Variants in LRRC4C observed in about 807,000 individuals in gnomAD.
LRRC4C encodes the protein leucine-rich repeat-containing protein 4C.
In LRRC4C, 5 loss-of-function variants were observed where a neutral mutation model predicts 33.6. The ratio of observed to expected loss-of-function variants is 0.15; its 90% confidence interval spans 0.08 to 0.31. The LOEUF (loss-of-function observed/expected upper bound fraction) is 0.31. Among genes scored for constraint, LRRC4C ranks in the 10% least tolerant of loss-of-function variants. The probability of loss-of-function intolerance (pLI) is 1.00; values close to 1 mark genes in which losing one functional copy is unlikely to be tolerated. For synonymous variants in LRRC4C, 329 were observed against 302.0 expected (o/e 1.09, Z -0.93); for missense variants, 560 against 796.7 (o/e 0.70, Z 3.58).
chr11:40,618,355 A>G (rs1375373458), intron 3 of LRRC4C, among the ~76,000 whole-genome samples: 1 of 151,640 alleles, frequency 6.6e-6, no homozygotes, highest in Admixed American at 6.6e-5. Flanking sequence ...CAACCACCAG[A>G]AGAAACTAGG....
chr11:40,522,803 T>C (rs1955875810), intron 3 of LRRC4C, among the ~76,000 whole-genome samples: 1 of 152,184 alleles, frequency 6.6e-6, no homozygotes, highest in Non-Finnish European at 1.5e-5. Context: ...AATGTAATGA[T>C]TTCCTTGTGT....
At chr11:41,304,677 G>GTA in intron 1 of LRRC4C, among the ~76,000 whole-genome samples, 1 of 101,462 alleles carries the variant, frequency 9.9e-6, no homozygotes. Context: ...AGGTTGGGGG[G>GTA]TCAGCCCCCC....
intron 2 of LRRC4C, among the ~76,000 whole-genome samples, chr11:40,697,554 C>T (rs1388401362): frequency 2.0e-5 from 3 of 152,128 alleles, no homozygotes; most frequent in Non-Finnish European, 4.4e-5. Flanking sequence ...GTTAATGATG[C>T]TACATATGGA....
intron 2 of LRRC4C, among the ~76,000 whole-genome samples, chr11:40,676,235 C>T (rs1346722208): frequency 6.6e-6 from 1 of 152,082 alleles, no homozygotes; most frequent in Non-Finnish European, 1.5e-5. Context: ...TCTTTTATGG[C>T]AGCTTGCAAG....
intron 1 of LRRC4C, among the ~76,000 whole-genome samples, chr11:41,219,798 A>T (rs1947224495): frequency 6.6e-6 from 1 of 152,220 alleles, no homozygotes; most frequent in Admixed American, 6.5e-5. Flanking sequence ...AATTTTATTC[A>T]GAAAAAGTAG....
intron 2 of LRRC4C, among the ~76,000 whole-genome samples, chr11:40,828,799 T>G (rs144914465): frequency 0.012 from 1,888 of 152,000 alleles, 14 homozygotes; most frequent in Middle Eastern, 0.031. Flanking sequence ...GCATCTGAAA[T>G]GTTATTAAGT....
At chr11:40,745,329 T>C (rs554424861) in intron 2 of LRRC4C, among the ~76,000 whole-genome samples, 1 of 152,088 alleles carries the variant, frequency 6.6e-6, no homozygotes, top group Non-Finnish European at 1.5e-5. Flanking sequence ...GATTGAGTGG[T>C]TTTCAAAACA....
At chr11:41,255,276 C>T (rs16935483) in intron 1 of LRRC4C, among the ~76,000 whole-genome samples, 6,914 of 151,974 alleles carry the variant, frequency 0.045, 199 homozygotes, top group South Asian at 0.074. Context: ...AAGCCTTGTG[C>T]CTTTATCATC....
At chr11:40,431,092 T>A (rs1590712764) in intron 3 of LRRC4C, among the ~76,000 whole-genome samples, 2 of 28,040 alleles carry the variant, frequency 7.1e-5, no homozygotes, top group African/African-American at 8.6e-5. Flanking sequence ...AAACTTAAAG[T>A]ATAATAAAAA....
At chr11:40,405,993 T>G (rs1027190837) in intron 3 of LRRC4C, among the ~76,000 whole-genome samples, 1 of 152,020 alleles carries the variant, frequency 6.6e-6, no homozygotes, top group Non-Finnish European at 1.5e-5. Context: ...CCATCTTGTT[T>G]GTGACACTGT....
intron 2 of LRRC4C, among the ~76,000 whole-genome samples, chr11:40,656,751 C>T (rs1460787733): frequency 6.6e-6 from 1 of 152,104 alleles, no homozygotes; most frequent in African/African-American, 2.4e-5. Context: ...TGTTATATCC[C>T]TCTAGAGTCA....
chr11:40,771,102 G>T (rs1276597124), intron 2 of LRRC4C, among the ~76,000 whole-genome samples: 1 of 152,216 alleles, frequency 6.6e-6, no homozygotes, highest in African/African-American at 2.4e-5. Flanking sequence ...TGCCTTAGCA[G>T]AGTTTCTCCA....
chr11:40,568,176 T>C (rs1591131139), intron 3 of LRRC4C, among the ~76,000 whole-genome samples: 1 of 152,236 alleles, frequency 6.6e-6, no homozygotes. Flanking sequence ...CTAGCAATGC[T>C]CTTGCTCTTT....
intron 1 of LRRC4C, among the ~76,000 whole-genome samples, chr11:41,417,372 G>T (rs541544295): frequency 6.6e-6 from 1 of 151,986 alleles, no homozygotes; most frequent in Non-Finnish European, 1.5e-5. Context: ...GTTGACTGTG[G>T]TAAACAAAAA....
At chr11:40,400,978 C>A (rs1007576614) in intron 3 of LRRC4C, among the ~76,000 whole-genome samples, 8 of 152,040 alleles carry the variant, frequency 5.3e-5, no homozygotes, top group Admixed American at 5.3e-4. Flanking sequence ...TTTTATATCA[C>A]CATTACTTAG....
chr11:41,240,609 G>T (rs1203556325), intron 1 of LRRC4C, among the ~76,000 whole-genome samples: 1 of 152,108 alleles, frequency 6.6e-6, no homozygotes, highest in Admixed American at 6.5e-5. Flanking sequence ...AGCCAAAATG[G>T]TTTTCCCTAA....
At chr11:41,278,707 G>A (rs1949559287) in intron 1 of LRRC4C, among the ~76,000 whole-genome samples, 1 of 152,220 alleles carries the variant, frequency 6.6e-6, no homozygotes, top group East Asian at 1.9e-4. Context: ...CACTGCTGAA[G>A]TGGAGGCTCC....
At chr11:41,007,891 C>T (rs1053279496) in intron 1 of LRRC4C, among the ~76,000 whole-genome samples, 1 of 152,146 alleles carries the variant, frequency 6.6e-6, no homozygotes, top group Admixed American at 6.6e-5. Context: ...AAAGCCTACT[C>T]TGATGATGAC....
intron 1 of LRRC4C, among the ~76,000 whole-genome samples, chr11:41,265,298 AT>A: frequency 6.6e-6 from 1 of 152,150 alleles, no homozygotes; most frequent in Non-Finnish European, 1.5e-5. Flanking sequence ...GATCAAAAAA[AT>A]TAAAGGTACG....
Sources: allele counts gnomAD v4.1 joint callset (sites outside exome capture counted in the v4.1 genomes callset), GRCh38; gene constraint gnomAD v4.1.1; transcripts MANE v1.5; gene names NCBI Gene and HGNC (gene_info 2026-07-23, HGNC 2026-07-21).